FLG: variants seen among roughly 807,000 people sequenced by gnomAD.
FLG encodes the protein epidermal filaggrin.
A neutral mutation model predicts 3.8 loss-of-function variants in FLG; 6 were observed. That is an observed-to-expected ratio of 1.60 (90% confidence interval 0.87 to 3.15). FLG has a LOEUF of 3.15. FLG is among the 30% of genes most tolerant of loss of function. The pLI is 0.00. For synonymous variants in FLG, 2,551 were observed against 1,931.6 expected, an observed-to-expected ratio of 1.32 and a Z score of -8.41; for missense variants, 7,595 against 5,050.9, an observed-to-expected ratio of 1.50 and a Z score of -15.27.
At chr1:152,322,446 T>C (rs1005730172) in intron 1 of FLG, among the ~76,000 whole-genome samples, 2 of 151,160 alleles carry the variant, frequency 1.3e-5, no homozygotes, top group Non-Finnish European at 3.0e-5. Context: ...CAAAAATCAA[T>C]TGTATTTCTA....
chr1:152,313,929 T>C lies in FLG; in HGVS notation c.957A>G (p.Arg319=), dbSNP rs780435466. The change falls in exon 3 of 3, where the codon AGA becomes AGG. Residue 319 remains arginine, a synonymous_variant. Transcript: ENST00000368799. ...DSERHSGSAS[R]NHHGSAWEQS... ...GCTCCCACGCAGATCCATGATGGTT[T>C]CTGGAAGCCGACCCAGAGTGCCTCT... is the stretch of plus-strand genomic sequence containing the variant. The C allele has an allele frequency of 6.2e-7, 1 of 1,614,116 alleles. No individual in the cohort carries two copies. The highest frequency in any genetic ancestry group is 8.5e-7 in the Non-Finnish European group (1 of 1,180,012).
Position 152,307,892 on chromosome 1 carries a change from A to T in FLG, c.6994T>A (p.Ser2332Thr). 6.2e-7 allele frequency: 1 copy of T among 1,612,746 alleles called. No homozygotes were observed. Among genetic ancestry groups the T allele is most frequent in the Non-Finnish European group, 8.5e-7 (1 of 1,179,728 alleles). The change falls in exon 3 of 3, where the codon TCC becomes ACC. Residue 2332 changes from serine to threonine, a missense_variant. Transcript: ENST00000368799. ...CTGTCTGCTGACTGCTGGTGGTGGG[A>T]TCCGTGTCTCTCTCCTGCACTTGAT... ...ARSSAGERHG[S>T]HHQQSADSSR...
rs757547194 is a variant in FLG at position 152,305,338 on chromosome 1, T to A, written c.9548A>T (p.His3183Leu). The A allele has an allele frequency of 6.2e-7, 1 of 1,608,328 alleles. No homozygotes were observed. Residue 3183 changes from histidine (H) to leucine (L), a missense_variant, in exon 3 of 3, where the codon CAT (histidine) becomes CTT (leucine). Transcript: ENST00000368799. ...GATGTCGGCATGAGTGGAAGCTTCATGGTGACGTGACACTGAGTGCCTGGA... is the reference window on the plus strand; with the variant it reads ...GATGTCGGCATGAGTGGAAGCTTCAAGGTGACGTGACACTGAGTGCCTGGA... The part of the protein sequence containing the change: ...DSSRHSVSRH[H>L]EASTHADISR...
chr1:152,320,368 TATAAGAGACACAC>T (rs1652918486), intron 1 of FLG, among the ~76,000 whole-genome samples: 1 of 151,116 alleles, frequency 6.6e-6, no homozygotes, highest in African/African-American at 2.4e-5. Flanking sequence ...GTATTCTGCT[TATAAGAGACACAC>T]ATAAAATGTG....
At position 152,303,082 on chromosome 1, in the gene FLG, GA is replaced by G; in HGVS notation, c.11803del (p.Ser3935HisfsTer38). ...TCCTGAGTGATACGCAGAATCTTGTGAAAGACTACTAAAGTGACCATGTTCC... is the reference window on the plus strand; with the variant it reads ...TCCTGAGTGATACGCAGAATCTTGTGAAGACTACTAAAGTGACCATGTTCC... ...AKEHGHFSSLSQDSAYHSGIQ... is the reference protein window; with the variant it reads ...AKEHGHFSSLXQDSAYHSGIQ... On this transcript the variant is annotated frameshift_variant, in exon 3 of 3. Transcript: ENST00000368799. LOFTEE classifies it low-confidence loss of function (END_TRUNC). 1 of 1,614,148 alleles carries G rather than the reference GA, an allele frequency of 6.2e-7. No individual in the cohort carries two copies. Among genetic ancestry groups the G allele is most frequent in the Non-Finnish European group, 8.5e-7 (1 of 1,180,026 alleles).
At position 152,306,942 on chromosome 1, in the gene FLG, T is replaced by A; in HGVS notation, c.7944A>T (p.Ser2648=). The change falls in exon 3 of 3, where the codon TCA becomes TCT. Residue 2648 remains serine, a synonymous_variant. Transcript: ENST00000368799. Reference sequence around the variant, plus strand: ...GGGATCCATGTCTTTCTCCTGCACTTGATCTTGCCTGTTCATGGGATGATG... The same window carrying A: ...GGGATCCATGTCTTTCTCCTGCACTAGATCTTGCCTGTTCATGGGATGATG... ...QAASSHEQAR[S]SAGERHGSHH... The A allele has an allele frequency of 6.7e-7, 1 of 1,485,984 alleles. No homozygotes were observed. Among genetic ancestry groups the A allele is most frequent in the East Asian group, 2.3e-5 (1 of 43,564 alleles). 92.0% of individuals were successfully genotyped at this position (1,485,984 alleles called of 1,614,324 possible).
chr1:152,304,520 T>C lies in FLG; in HGVS notation c.10366A>G (p.Arg3456Gly). ...QGSHYEQSVDRSGHSGSHHSH... is the reference protein window; with the variant it reads ...QGSHYEQSVDGSGHSGSHHSH... ...TGATGGGACCCTGAGTGTCCAGACC[T>C]ATCTACCGATTGCTCGTAGTGGGAT... Residue 3456 changes from arginine to glycine, a missense_variant, in exon 3 of 3, where the codon AGG (arginine) becomes GGG (glycine). Arg to Gly is a moderately radical substitution (Grantham distance 125, BLOSUM62 -2). Coordinates refer to ENST00000368799, the MANE Select transcript of FLG (RefSeq NM_002016.2). 1.9e-6 allele frequency: 3 copies of C among 1,612,646 alleles called. No individual in the cohort carries two copies. In the South Asian group the frequency reaches 3.3e-5, roughly 18 times the overall value.
rs776694382 is a variant in FLG at position 152,310,450 on chromosome 1, T to G, written c.4436A>C (p.His1479Pro). The G allele has an allele frequency of 6.2e-7, 1 of 1,613,536 alleles. No homozygotes were observed. ...GTCCTGACCGTCTTGGGATGCTGAG[T>G]GCCTAGAGCTGTTTCGTGCCTGCTC... ...RHEQARNSSR[H>P]SASQDGQDTI... Residue 1479 changes from histidine to proline, a missense_variant, in exon 3 of 3, where the codon CAC becomes CCC. Physicochemically the swap from His to Pro is moderately conservative, Grantham distance 77. Transcript: ENST00000368799.
In FLG at chr1:152,303,382, G is replaced by T; in HGVS notation, c.11504C>A (p.Thr3835Asn). ...HSGSRHHEASTQADSSRHSQS... is the reference protein window; with the variant it reads ...HSGSRHHEASNQADSSRHSQS... ...TGAGTGTCTAGAGCTGTCAGCCTGA[G>T]TGGAAGCTTCATGGTGACGCGACCC... Residue 3835 changes from threonine (T) to asparagine (N), a missense_variant, in exon 3 of 3, where the codon ACT (threonine) becomes AAT (asparagine). By Grantham distance (65) the Thr-to-Asn change is moderately conservative. Coordinates refer to ENST00000368799, the MANE Select transcript of FLG (RefSeq NM_002016.2). 2 of 1,614,134 alleles carry T rather than the reference G, an allele frequency of 1.2e-6. No homozygotes were observed. The highest frequency in any genetic ancestry group is 1.7e-6 in the Non-Finnish European group (2 of 1,180,012).
rs145000028 is a variant in FLG at position 152,309,770 on chromosome 1, C to A, written c.5116G>T (p.Val1706Phe). 2 of 1,613,914 alleles carry A rather than the reference C, an allele frequency of 1.2e-6. No individual in the cohort carries two copies. The highest frequency in any genetic ancestry group is 1.7e-6 in the Non-Finnish European group (2 of 1,180,020). The change falls in exon 3 of 3, where the codon GTC becomes TTC. Residue 1706 changes from valine to phenylalanine, a missense_variant. Physicochemically the swap from Val to Phe is conservative, Grantham distance 50 (BLOSUM62 -1). Transcript: ENST00000368799. ...GACCCTCGGTTTCCACTGTCTCCGA[C>A]TACAGATGAATCTTGTCTGCGCCCA... ...GTGRRQDSSV[V>F]GDSGNRGSSG... is the part of the protein sequence containing the mutation.
In FLG at chr1:152,310,919, C is replaced by T. The variant is rs746967757; in HGVS notation, c.3967G>A (p.Ala1323Thr). The change falls in exon 3 of 3, where the codon GCA (alanine) becomes ACA (threonine). Residue 1323 changes from alanine (A) to threonine (T), a missense_variant. Coordinates refer to ENST00000368799, the MANE Select transcript of FLG (RefSeq NM_002016.2). ...QEDRASHGHS[A>T]DSSRQSGTHH... is the part of the protein sequence containing the mutation. ...GTGCCTGATTGTCTGGAGCTGTCTG[C>T]AGAGTGCCCGTGACTGGCTCTGTCT... 6 of 1,614,038 alleles carry T rather than the reference C, an allele frequency of 3.7e-6. No individual in the cohort carries two copies. The highest frequency in any genetic ancestry group is 5.1e-6 in the Non-Finnish European group (6 of 1,180,014).
rs1276540386 is a variant in FLG at position 152,307,183 on chromosome 1, C to G, written c.7703G>C (p.Ser2568Thr). ...GTGTCCCTGACTGTCACTGTCCTGG[C>G]TAAAACTGGATCCCCAGTTCCTGCT... ...RTSRNWGSSF[S>T]QDSDSQGHSE... Residue 2568 changes from serine (S) to threonine (T), a missense_variant, in exon 3 of 3, where the codon AGC (serine) becomes ACC (threonine). Physicochemically the swap from Ser to Thr is moderately conservative, Grantham distance 58. Transcript: ENST00000368799. 19 of 1,612,700 alleles carry G rather than the reference C, an allele frequency of 1.2e-5. No homozygotes were observed. The highest frequency in any genetic ancestry group is 1.6e-5 in the Non-Finnish European group (19 of 1,179,964).
rs767667741 is a variant in FLG at position 152,314,359 on chromosome 1, T to C, written c.527A>G (p.Asn176Ser). 1.4e-5 allele frequency: 22 copies of C among 1,612,620 alleles called. No homozygotes were observed. The highest frequency in any genetic ancestry group is 1.8e-5 in the Non-Finnish European group (21 of 1,179,558). The change falls in exon 3 of 3, where the codon AAC becomes AGC. Residue 176 changes from asparagine to serine, a missense_variant. Coordinates refer to ENST00000368799, the MANE Select transcript of FLG (RefSeq NM_002016.2). ...CTCTTTTTTACTTGAGTTATGATGG[T>C]TTTTTCCATATTCTTCTTCTCTATG... is the stretch of plus-strand genomic sequence containing the variant. ...PTHREEEYGK[N>S]HHNSSKKEKN...
Position 152,311,780 on chromosome 1 carries a change from G to T in FLG, c.3106C>A (p.Arg1036Ser). The change falls in exon 3 of 3, where the codon CGC (arginine) becomes AGC (serine). Residue 1036 changes from arginine to serine, a missense_variant. By Grantham distance (110) the Arg-to-Ser change is moderately radical. Transcript: ENST00000368799. ...GAGCTGTCTGCTGACTGCTGGTGGC[G>T]GGATCCGTGTCTTTCTCCTGGACTT... is the stretch of plus-strand genomic sequence containing the variant. Reference protein sequence around the residue: ...RSSPGERHGSRHQQSADSSRH... With the variant: ...RSSPGERHGSSHQQSADSSRH... 1.2e-6 allele frequency: 2 copies of T among 1,614,004 alleles called. No individual in the cohort carries two copies. Among genetic ancestry groups the T allele is most frequent in the South Asian group, 2.2e-5 (2 of 91,046 alleles).
At position 152,307,884 on chromosome 1, in the gene FLG, G is replaced by T; in HGVS notation, c.7002C>A (p.His2334Gln). ...GTCTGGAGCTGTCTGCTGACTGCTG[G>T]TGGTGGGATCCGTGTCTCTCTCCTG... ...SSAGERHGSH[H>Q]QQSADSSRHS... Residue 2334 changes from histidine (H) to glutamine (Q), a missense_variant, in exon 3 of 3, where the codon CAC becomes CAA. His to Gln is a conservative substitution (Grantham distance 24). Coordinates refer to ENST00000368799, the MANE Select transcript of FLG (RefSeq NM_002016.2). 6.2e-7 allele frequency: 1 copy of T among 1,613,096 alleles called. No individual in the cohort carries two copies. Among genetic ancestry groups the T allele is most frequent in the Non-Finnish European group, 8.5e-7 (1 of 1,179,736 alleles).
Position 152,310,097 on chromosome 1 carries a change from CCTGA to C in FLG, c.4785_4788del (p.Ser1595ArgfsTer110), listed in dbSNP as rs761519693. The C allele has an allele frequency of 5.8e-5, 94 of 1,613,932 alleles. No individual in the cohort carries two copies. Among genetic ancestry groups the C allele is most frequent in the African/African-American group, 9.3e-5 (7 of 74,886 alleles). On this transcript the variant is annotated frameshift_variant, in exon 3 of 3. Coordinates refer to ENST00000368799, the MANE Select transcript of FLG (RefSeq NM_002016.2). LOFTEE classifies it low-confidence loss of function (END_TRUNC). ...TCTGAGTGTCCCTCACTGTCCCTGT[CCTGA>C]CTAACACTGGATCCCTGGCGCCTGC...
At position 152,315,457 on chromosome 1, in the gene FLG, C is replaced by T; in HGVS notation, c.-1G>A. ...AGATGTTTTCCAGGAGAGTAGACATCTTTTGGCAATAAATGTGAACCTAGA... is the reference window on the plus strand; with the variant it reads ...AGATGTTTTCCAGGAGAGTAGACATTTTTTGGCAATAAATGTGAACCTAGA... On this transcript the variant is annotated 5_prime_UTR_variant, in exon 2 of 3. Transcript: ENST00000368799. 2 of 1,610,442 alleles carry T rather than the reference C, an allele frequency of 1.2e-6. No homozygotes were observed. Among genetic ancestry groups the T allele is most frequent in the Non-Finnish European group, 1.7e-6 (2 of 1,178,478 alleles).
rs146352383 is a variant in FLG, at chr1:152,308,630, G to C, written c.6256C>G (p.Arg2086Gly). The change falls in exon 3 of 3, where the codon CGT (arginine) becomes GGT (glycine). Residue 2086 changes from arginine (R) to glycine (G), a missense_variant. By Grantham distance (125) the Arg-to-Gly change is moderately radical. Transcript: ENST00000368799. ...ACCTGGTAGAGGAAAGACCCTGAAC[G>C]TCCAGAGCTTTCCCCTGACTGGCCA... ...ARGQSGESSG[R>G]SGSFLYQVST... 15 of 1,614,022 alleles carry C rather than the reference G, an allele frequency of 9.3e-6. No homozygotes were observed. The highest frequency in any genetic ancestry group is 1.3e-5 in the Non-Finnish European group (15 of 1,180,018).
In FLG at chr1:152,310,672, G is replaced by A; in HGVS notation, c.4214C>T (p.Ser1405Leu). 20 of 1,614,068 alleles carry A rather than the reference G, an allele frequency of 1.2e-5. No individual in the cohort carries two copies. Among genetic ancestry groups the A allele is most frequent in the Non-Finnish European group, 1.7e-5 (20 of 1,180,006 alleles). The change falls in exon 3 of 3, where the codon TCA becomes TTA. Residue 1405 changes from serine to leucine, a missense_variant. Coordinates refer to ENST00000368799, the MANE Select transcript of FLG (RefSeq NM_002016.2). ...VTNSEGHSEDSDTQSVSAHGQ... is the reference protein window; with the variant it reads ...VTNSEGHSEDLDTQSVSAHGQ... ...GTGGGCTGACACTGACTGTGTGTCT[G>A]AGTCTTCTGAATGTCCCTCACTGTT... is the stretch of plus-strand genomic sequence containing the variant.
Sources: gnomAD v4.1 joint callset for allele counts (sites outside exome capture counted in the v4.1 genomes callset) on GRCh38, gnomAD v4.1.1 for gene constraint, MANE v1.5 for transcripts, NCBI Gene and HGNC (gene_info 2026-07-23, HGNC 2026-07-21) for gene names.